The following FAM114A1 variants were observed in gnomAD, a reference collection of about 807,000 sequenced individuals.
FAM114A1 encodes the protein family with sequence similarity 114 member A1, also known as protein NOXP20.
A neutral mutation model predicts 64.3 loss-of-function variants in FAM114A1; 62 were observed. The observed-to-expected ratio is 0.96, with a 90% CI of 0.79 to 1.19. The LOEUF (loss-of-function observed/expected upper bound fraction) is 1.19. FAM114A1 is among the 50% of genes most tolerant of loss of function. The pLI is 0.00. For missense variants in FAM114A1, 645 were observed against 676.3 expected (o/e 0.95, Z 0.51); for synonymous variants, 254 against 251.1 (o/e 1.01, Z -0.11).
intron 4 of FAM114A1, among the ~76,000 whole-genome samples, chr4:38,901,335 C>CTGGAG (rs1329630740): frequency 1.3e-5 from 2 of 151,936 alleles, no homozygotes; most frequent in Non-Finnish European, 2.9e-5. Context: ...GTCACCCAGG[C>CTGGAG]TGGAGTGCGA....
chr4:38,917,321 G>C (rs1350115211), intron 8 of FAM114A1, among the ~76,000 whole-genome samples: 1 of 151,180 alleles, frequency 6.6e-6, no homozygotes, highest in African/African-American at 2.4e-5. Flanking sequence ...CTGGGCGACA[G>C]AGCAAGACTC....
At chr4:38,941,325 A>G (rs1721563565) in intron 14 of FAM114A1, among the ~76,000 whole-genome samples, 1 of 152,194 alleles carries the variant, frequency 6.6e-6, no homozygotes, top group Non-Finnish European at 1.5e-5. Flanking sequence ...ATTTAACACT[A>G]TGATTATTGG....
chr4:38,920,235 A>C (rs1157854905), intron 8 of FAM114A1, among the ~76,000 whole-genome samples: 1 of 151,844 alleles, frequency 6.6e-6, no homozygotes, highest in East Asian at 1.9e-4. Context: ...AAAACTAATC[A>C]TTTTCATCAC....
At chr4:38,937,811 T>A (rs1721238202) in intron 13 of FAM114A1, among the ~76,000 whole-genome samples, 1 of 152,186 alleles carries the variant, frequency 6.6e-6, no homozygotes, top group South Asian at 2.1e-4. Flanking sequence ...CTTGGCTCAC[T>A]GCAGCCTCTG....
At chr4:38,885,417 A>G (rs1288125904) in intron 3 of FAM114A1, among the ~76,000 whole-genome samples, 2 of 152,026 alleles carry the variant, frequency 1.3e-5, no homozygotes, top group Non-Finnish European at 2.9e-5. Flanking sequence ...ATAGGACTAC[A>G]TGTGCATGCC....
chr4:38,882,163 T>A (rs1316598799), intron 3 of FAM114A1, among the ~76,000 whole-genome samples: 6 of 143,776 alleles, frequency 4.2e-5, no homozygotes, highest in Non-Finnish European at 9.1e-5. Context: ...ATACAAAAAA[T>A]TAGCCGGGCG....
At chr4:38,921,896 G>A (rs892593243) in intron 8 of FAM114A1, among the ~76,000 whole-genome samples, 7 of 152,070 alleles carry the variant, frequency 4.6e-5, no homozygotes, top group African/African-American at 9.7e-5. Context: ...CTATAGATGC[G>A]TATTTATTTA....
At chr4:38,936,547 C>CTTTTTTTTTTTTTT (rs1560335555) in intron 13 of FAM114A1, among the ~76,000 whole-genome samples, 1 of 140,586 alleles carries the variant, frequency 7.1e-6, no homozygotes. Context: ...TAAGAGTTTT[C>CTTTTTTTTTTTTTT]ATTTTTTTTT....
At chr4:38,930,813 T>A (rs1720564306) in intron 10 of FAM114A1, among the ~76,000 whole-genome samples, 1 of 152,212 alleles carries the variant, frequency 6.6e-6, no homozygotes, top group Non-Finnish European at 1.5e-5. Context: ...ATTGTTTAAT[T>A]TAGCCATGAT....
intron 11 of FAM114A1, 149 bp downstream of exon 11, chr4:38,931,761 T>C (rs987129103): frequency 1.4e-6 from 1 of 733,042 alleles, no homozygotes; most frequent in African/African-American, 1.8e-5. Context: ...GCCAACATGG[T>C]GAAACCCTGT....
At chr4:38,936,472 G>A (rs996837903) in intron 13 of FAM114A1, among the ~76,000 whole-genome samples, 1 of 151,406 alleles carries the variant, frequency 6.6e-6, no homozygotes, top group African/African-American at 2.4e-5. Flanking sequence ...CAGAATCTCT[G>A]GTAAAATTAT....
chr4:38,875,927 T>G (rs1214571477), intron 2 of FAM114A1, among the ~76,000 whole-genome samples: 1 of 152,210 alleles, frequency 6.6e-6, no homozygotes, highest in East Asian at 1.9e-4. Flanking sequence ...TTGTAAGCTT[T>G]AAAAGAGTTT....
chr4:38,942,552 C>T (rs935222120), intron 14 of FAM114A1, among the ~76,000 whole-genome samples: 10 of 152,214 alleles, frequency 6.6e-5, no homozygotes, highest in African/African-American at 2.4e-4. Flanking sequence ...TTTTCCGTTT[C>T]CCCAATAGAT....
intron 3 of FAM114A1, among the ~76,000 whole-genome samples, chr4:38,882,877 C>G (rs149113150): frequency 1.3e-5 from 2 of 152,204 alleles, no homozygotes; most frequent in Non-Finnish European, 2.9e-5. Flanking sequence ...TGGGGTGTTG[C>G]GACTAGCAGG....
chr4:38,900,868 G>A (rs991827373), intron 4 of FAM114A1, among the ~76,000 whole-genome samples: 10 of 151,992 alleles, frequency 6.6e-5, no homozygotes, highest in African/African-American at 2.4e-4. Flanking sequence ...GCATAATATT[G>A]TGAAGGTATT....
At chr4:38,938,857 G>A (rs184963242) in intron 13 of FAM114A1, among the ~76,000 whole-genome samples, 7 of 152,346 alleles carry the variant, frequency 4.6e-5, no homozygotes, top group African/African-American at 1.7e-4. Flanking sequence ...AGGCTTGAGA[G>A]TGTGAATGTC....
At chr4:38,898,888 C>T (rs1251124310) in intron 4 of FAM114A1, among the ~76,000 whole-genome samples, 1 of 149,728 alleles carries the variant, frequency 6.7e-6, no homozygotes, top group Non-Finnish European at 1.5e-5. Context: ...GTCTGAAACA[C>T]AGTCAGTACT....
chr4:38,919,408 T>C (rs1244250263), intron 8 of FAM114A1, among the ~76,000 whole-genome samples: 22 of 152,108 alleles, frequency 1.4e-4, no homozygotes, highest in Admixed American at 1.4e-3. Context: ...GCTCCAGCCA[T>C]ACCCCCTGTA....
intron 3 of FAM114A1, among the ~76,000 whole-genome samples, chr4:38,881,340 C>T (rs1172597887): frequency 6.6e-6 from 1 of 152,166 alleles, no homozygotes; most frequent in Non-Finnish European, 1.5e-5. Flanking sequence ...AGGTACTCCA[C>T]CTTCCCCACC....
Sources: allele counts gnomAD v4.1 joint callset (sites outside exome capture counted in the v4.1 genomes callset), GRCh38; gene constraint gnomAD v4.1.1; transcripts MANE v1.5; gene names NCBI Gene and HGNC (gene_info 2026-07-23, HGNC 2026-07-21).